The following GBA2 variants were observed in gnomAD, a reference collection of about 807,000 sequenced individuals.
GBA2 encodes non-lysosomal glucosylceramidase.
Under a neutral mutation model 112.9 loss-of-function variants are expected in GBA2, and 79 were observed. That is an observed-to-expected ratio of 0.70 (90% CI 0.58 to 0.84). The LOEUF is 0.84. Ranked by LOEUF, GBA2 falls within the 40% of genes least tolerant of loss-of-function variation. GBA2 has a pLI of 0.00. For synonymous variants in GBA2, 403 were observed against 434.3 expected, an observed-to-expected ratio of 0.93 and a Z score of 0.90; for missense variants, 1,043 against 1,190.0, an observed-to-expected ratio of 0.88 and a Z score of 1.82.
rs964339794 is a variant in GBA2, at chr9:35,741,239, G to A, written c.787-175C>T. 1.5e-6 allele frequency: 1 copy of A among 675,236 alleles called. No individual in the cohort carries two copies. Among genetic ancestry groups the A allele is most frequent in the Non-Finnish European group, 2.5e-6 (1 of 407,074 alleles). 41.8% of individuals were successfully genotyped at this position (675,236 alleles called of 1,614,324 possible). ...GGCAAGCTGCCTAGCAGGGAATATA[G>A]AAGACCAGAACCAGTTGGGCGGTGG... On this transcript the variant is annotated intron_variant, in intron 4 of 16. Transcript: ENST00000378103. This position sits in a 1 kb window ranked among gnomAD's most constrained non-coding sequence, Gnocchi z 4.6.
intron 3 of GBA2, among the ~76,000 whole-genome samples, chr9:35,742,864 T>G (rs566618663): frequency 2.0e-5 from 3 of 152,262 alleles, no homozygotes; most frequent in Non-Finnish European, 4.4e-5. Context: ...ATTTTTATTG[T>G]ATACAGTGGG....
At chr9:35,739,186 G>A in intron 10 of GBA2, 77 bp from the exon 11 acceptor site, 1 of 1,058,720 alleles carries the variant, frequency 9.4e-7, no homozygotes, top group Middle Eastern at 2.2e-4. Context: ...TGTGACTGCA[G>A]TGGGGAACCA....
At position 35,738,894 on chromosome 9, in the gene GBA2, G is replaced by A; in HGVS notation, c.1805C>T (p.Pro602Leu). 1 of 1,614,052 alleles carries A rather than the reference G, an allele frequency of 6.2e-7. No homozygotes were observed. The highest frequency in any genetic ancestry group is 1.1e-5 in the South Asian group (1 of 91,072). Reference protein sequence around the residue: ...PHDIGDPDDEPWLRVNAYLIH... With the variant: ...PHDIGDPDDELWLRVNAYLIH... ...TAAATATGCATTGACGCGGAGCCAT[G>A]GTTCATCATCTGTGGGAGAGGAGGG... Residue 602 changes from proline (P) to leucine (L), a missense_variant, in exon 12 of 17, where the codon CCA becomes CTA. Coordinates refer to ENST00000378103, the MANE Select transcript of GBA2 (RefSeq NM_020944.3).
In GBA2 at chr9:35,739,110, C is replaced by T. The variant is rs1355044244; in HGVS notation, c.1688-1G>A. Reference sequence around the variant, plus strand: ...AGGTCCTCCCTGAGAGTGGCCAGAGCTGGGGGAGAGACACAGAAGGGAGGC... The same window carrying T: ...AGGTCCTCCCTGAGAGTGGCCAGAGTTGGGGGAGAGACACAGAAGGGAGGC... On this transcript the variant is annotated splice_acceptor_variant, in intron 10 of 16. Coordinates refer to ENST00000378103, the MANE Select transcript of GBA2 (RefSeq NM_020944.3). LOFTEE classifies it high-confidence loss of function. 1.3e-6 allele frequency: 2 copies of T among 1,526,228 alleles called. No homozygotes were observed. Among genetic ancestry groups the T allele is most frequent in the Non-Finnish European group, 1.8e-6 (2 of 1,138,670 alleles). 94.5% of individuals were successfully genotyped at this position (1,526,228 alleles called of 1,614,324 possible).
chr9:35,745,850 C>T (rs1826945568), intron 1 of GBA2, among the ~76,000 whole-genome samples: 1 of 152,202 alleles, frequency 6.6e-6, no homozygotes, highest in Non-Finnish European at 1.5e-5. Flanking sequence ...CCACATTATG[C>T]CTACTGTTCA....
Position 35,749,193 on chromosome 9 carries a change from C to T in GBA2, c.-489G>A, listed in dbSNP as rs764433821. 82 of 369,328 alleles carry T rather than the reference C, an allele frequency of 2.2e-4. 1 individual carries two copies. The highest frequency in any genetic ancestry group is 1.7e-3 in the African/African-American group (76 of 45,112). The allele number at this position is 369,328 out of a possible 1,614,324, so 22.9% of individuals were successfully genotyped here. A position where few individuals can be genotyped will look rare whatever the true frequency, so the allele number is the denominator to read the frequency against. On this transcript the variant is annotated 5_prime_UTR_variant, in exon 1 of 17. Transcript: ENST00000378103. The surrounding 1 kb of genome is among the most constrained non-coding windows in gnomAD (Gnocchi z 4.4). Reference sequence around the variant, plus strand: ...AGGTGCCAGCCCGTGGGAAGGTGACCCTGGGCGCCGGGATGACCCGAGCCC... The same window carrying T: ...AGGTGCCAGCCCGTGGGAAGGTGACTCTGGGCGCCGGGATGACCCGAGCCC...
rs1178577635 is a variant in GBA2 at position 35,740,709 on chromosome 9, C to T, written c.1027-81G>A. 9 of 1,531,320 alleles carry T rather than the reference C, an allele frequency of 5.9e-6. No homozygotes were observed. The East Asian group carries it at 2.0e-4, about 34-fold the overall frequency. The allele number at this position is 1,531,320 out of a possible 1,614,324, so 94.9% of individuals were successfully genotyped here. A position where few individuals can be genotyped will look rare whatever the true frequency, so the allele number is the denominator to read the frequency against. ...CTAGCTCCCCAGCTCCTCTTACTTA[C>T]TCTTAACCTCCCAGGCCCAGGGGCT... On this transcript the variant is annotated intron_variant, in intron 5 of 16. Coordinates refer to ENST00000378103, the MANE Select transcript of GBA2 (RefSeq NM_020944.3). This position sits in a 1 kb window ranked among gnomAD's most constrained non-coding sequence, Gnocchi z 4.7.
At chr9:35,739,231 AAAG>A (rs1826475289) in intron 10 of GBA2, 81 bp downstream of exon 10, 2 of 1,084,880 alleles carry the variant, frequency 1.8e-6, no homozygotes, top group South Asian at 2.5e-5. Flanking sequence ...AAGGGAAGGG[AAAG>A]AAGAGACAAT....
At position 35,744,246 on chromosome 9, in the gene GBA2, T is replaced by G. The variant is rs367574383; in HGVS notation, c.567+51A>C. The G allele has an allele frequency of 9.1e-5, 92 of 1,009,026 alleles. No homozygotes were observed. In the African/African-American group the frequency reaches 1.2e-3, roughly 13 times the overall value. 62.5% of individuals were successfully genotyped at this position (1,009,026 alleles called of 1,614,324 possible). A position where few individuals can be genotyped will look rare whatever the true frequency, so the allele number is the denominator to read the frequency against. Reference sequence around the variant, plus strand: ...TCTACACTAGCCAAGAGGTCCTTCCTTCTTGGCCTGGGGAGGTATTGTCCT... The same window carrying G: ...TCTACACTAGCCAAGAGGTCCTTCCGTCTTGGCCTGGGGAGGTATTGTCCT... On this transcript the variant is annotated intron_variant, in intron 3 of 16. Transcript: ENST00000378103.
chr9:35,739,330 G>C lies in GBA2; in HGVS notation c.1672C>G (p.Leu558Val). The C allele has an allele frequency of 6.2e-7, 1 of 1,610,352 alleles. No homozygotes were observed. Among genetic ancestry groups the C allele is most frequent in the Non-Finnish European group, 8.5e-7 (1 of 1,176,568 alleles). ...GGATCCTCACCCATGTCATACTGTA[G>C]GCTGAGCTCAAGTTTGGGCCAGAGC... is the stretch of plus-strand genomic sequence containing the variant. ...IMLWPKLELSLQYDMALATLR... is the reference protein window; with the variant it reads ...IMLWPKLELSVQYDMALATLR... The change falls in exon 10 of 17, where the codon CTA (leucine) becomes GTA (valine). Residue 558 changes from leucine to valine, a missense_variant. By Grantham distance (32) the Leu-to-Val change is conservative (BLOSUM62 1). Coordinates refer to ENST00000378103, the MANE Select transcript of GBA2 (RefSeq NM_020944.3).
chr9:35,743,521 G>A (rs182720343), intron 3 of GBA2, among the ~76,000 whole-genome samples: 1 of 152,324 alleles, frequency 6.6e-6, no homozygotes, highest in East Asian at 1.9e-4. Flanking sequence ...TGGGACATGG[G>A]CAGGGCTGGT....
At chr9:35,747,592 G>T (rs1827037386) in intron 1 of GBA2, among the ~76,000 whole-genome samples, 1 of 152,192 alleles carries the variant, frequency 6.6e-6, no homozygotes, top group South Asian at 2.1e-4. Flanking sequence ...CCACAGTTCT[G>T]TGTGTATTGT....
Position 35,740,238 on chromosome 9 carries a change from C to T in GBA2, c.1254G>A (p.Met418Ile). The T allele has an allele frequency of 1.2e-6, 2 of 1,614,174 alleles. No individual in the cohort carries two copies. Among genetic ancestry groups the T allele is most frequent in the South Asian group, 1.1e-5 (1 of 91,086 alleles). Residue 418 changes from methionine to isoleucine, a missense_variant, in exon 7 of 17, where the codon ATG (methionine) becomes ATA (isoleucine). Transcript: ENST00000378103. The surrounding 1 kb of genome is among the most constrained non-coding windows in gnomAD (Gnocchi z 4.7). ...FSLAWDMPRI[M>I]FGAKGQVHYR... ...AGTGGACTTGGCCTTTAGCTCCAAA[C>T]ATGATCCTGGGCATGTCCCAAGCCA...
chr9:35,739,020 G>A lies in GBA2; in HGVS notation c.1777C>T (p.His593Tyr). ...CTTTTACCTGGGTCCCCAATATCAT[G>A]GGGGATGACGTTCCTCCTTTTCACA... ...APVKRRNVIPHDIGDPDDEPW... is the reference protein window; with the variant it reads ...APVKRRNVIPYDIGDPDDEPW... Residue 593 changes from histidine to tyrosine, a missense_variant, in exon 11 of 17, where the codon CAT becomes TAT. Physicochemically the swap from His to Tyr is moderately conservative, Grantham distance 83. Transcript: ENST00000378103. 3 of 1,611,218 alleles carry A rather than the reference G, an allele frequency of 1.9e-6. No homozygotes were observed. The highest frequency in any genetic ancestry group is 2.5e-6 in the Non-Finnish European group (3 of 1,177,484).
In GBA2 at chr9:35,737,450, G is replaced by T; in HGVS notation, c.2506-3C>A. The T allele has an allele frequency of 6.2e-7, 1 of 1,613,212 alleles. No homozygotes were observed. Among genetic ancestry groups the T allele is most frequent in the Non-Finnish European group, 8.5e-7 (1 of 1,179,550 alleles). On this transcript the variant is annotated splice_region_variant and splice_polypyrimidine_tract_variant and intron_variant, in intron 16 of 16. Transcript: ENST00000378103. The surrounding 1 kb of genome is among the most constrained non-coding windows in gnomAD (Gnocchi z 4.1). ...TGGAAGCCCTCCCAAGTCAGGCCCT[G>T]TTGGGAGAGATGACAGTCATACATA...
Position 35,741,920 on chromosome 9 carries a change from TA to T in GBA2, c.568-31del. 1 of 1,487,430 alleles carries T rather than the reference TA, an allele frequency of 6.7e-7. No individual in the cohort carries two copies. Among genetic ancestry groups the T allele is most frequent in the Non-Finnish European group, 9.4e-7 (1 of 1,066,580 alleles). 92.1% of individuals were successfully genotyped at this position (1,487,430 alleles called of 1,614,324 possible). On this transcript the variant is annotated intron_variant, in intron 3 of 16. Coordinates refer to ENST00000378103, the MANE Select transcript of GBA2 (RefSeq NM_020944.3). The surrounding 1 kb of genome is among the most constrained non-coding windows in gnomAD (Gnocchi z 4.6). ...AGAGGGCAGATAGGCTGGAACGGGGTAAACCACAGGGACCACAGACTAAGTC... is the reference window on the plus strand; with the variant it reads ...AGAGGGCAGATAGGCTGGAACGGGGTAACCACAGGGACCACAGACTAAGTC...
At chr9:35,747,071 C>G (rs779211285) in intron 1 of GBA2, among the ~76,000 whole-genome samples, 1 of 152,134 alleles carries the variant, frequency 6.6e-6, no homozygotes. Flanking sequence ...AGAGTTATCA[C>G]TTAGAATTCT....
At position 35,738,556 on chromosome 9, in the gene GBA2, GTC is replaced by G; in HGVS notation, c.2022_2023del (p.Gln674HisfsTer3). On this transcript the variant is annotated frameshift_variant, in exon 13 of 17. Coordinates refer to ENST00000378103, the MANE Select transcript of GBA2 (RefSeq NM_020944.3). LOFTEE classifies it high-confidence loss of function. ...GCCTGTGGTCACCCATCCATCATAGGTCTGGTCTGCATAGCCTCCATTTTCAA... is the reference window on the plus strand; with the variant it reads ...GCCTGTGGTCACCCATCCATCATAGGTGGTCTGCATAGCCTCCATTTTCAA... The G allele has an allele frequency of 1.9e-6, 3 of 1,613,634 alleles. No homozygotes were observed. The highest frequency in any genetic ancestry group is 2.5e-6 in the Non-Finnish European group (3 of 1,179,524).
At chr9:35,745,102 T>C (rs773697016) in intron 1 of GBA2, among the ~76,000 whole-genome samples, 60 of 152,116 alleles carry the variant, frequency 3.9e-4, no homozygotes, top group South Asian at 1.0e-3. Flanking sequence ...GGAATAACTT[T>C]CTTATCTTTA....
Sources: gnomAD v4.1 joint callset for allele counts (sites outside exome capture counted in the v4.1 genomes callset) on GRCh38, gnomAD v4.1.1 for gene constraint, Gnocchi (gnomAD v3.1) non-coding constraint, MANE v1.5 for transcripts, NCBI Gene and HGNC (gene_info 2026-07-23, HGNC 2026-07-21) for gene names.